The following BEND6 variants were observed in gnomAD, a reference collection of about 807,000 sequenced individuals.
The protein encoded by BEND6 is BEN domain-containing protein 6.
Under a neutral mutation model 31.8 loss-of-function variants are expected in BEND6, and 24 were observed. That is an observed-to-expected ratio of 0.75 (90% CI 0.55 to 1.06). The LOEUF is 1.06. BEND6 is among the 50% of genes least tolerant of loss of function. The pLI is 0.00. For missense variants in BEND6, 294 were observed against 327.4 expected, an observed-to-expected ratio of 0.90 and a Z score of 0.79; for synonymous variants, 109 against 114.6, an observed-to-expected ratio of 0.95 and a Z score of 0.31.
intron 1 of BEND6, among the ~76,000 whole-genome samples, chr6:56,981,228 A>G (rs571455678): frequency 8.1e-4 from 123 of 152,294 alleles, no homozygotes; most frequent in Non-Finnish European, 1.5e-3. Context: ...GCACCAAGGA[A>G]AATCTTGCAT....
At chr6:56,998,916 A>C (rs1826826008) in intron 3 of BEND6, among the ~76,000 whole-genome samples, 1 of 152,190 alleles carries the variant, frequency 6.6e-6, no homozygotes, top group Admixed American at 6.5e-5. Flanking sequence ...TATCCAGAAA[A>C]TATAGGGAAC....
intron 3 of BEND6, chr6:57,008,259 T>C (rs1827229663): frequency 1.4e-6 from 1 of 702,642 alleles, no homozygotes; most frequent in South Asian, 1.5e-5. Flanking sequence ...TCATCTCAGA[T>C]ACGGGTCCTG....
intron 6 of BEND6, among the ~76,000 whole-genome samples, chr6:57,019,035 G>C (rs1430948427): frequency 1.3e-5 from 2 of 152,180 alleles, no homozygotes; most frequent in Non-Finnish European, 2.9e-5. Context: ...ACAGTGGTCT[G>C]ACAGTTGTGC....
At chr6:56,962,682 A>C (rs1825332585) in intron 1 of BEND6, among the ~76,000 whole-genome samples, 1 of 152,210 alleles carries the variant, frequency 6.6e-6, no homozygotes, top group African/African-American at 2.4e-5. Context: ...AAGATATTGC[A>C]GGATTGTAGT....
At chr6:56,975,633 T>C (rs1825845139) in intron 1 of BEND6, 5 of 380,294 alleles carry the variant, frequency 1.3e-5, no homozygotes, top group South Asian at 1.3e-4. Flanking sequence ...AGCAGTTTCA[T>C]TCTCATGAAA....
chr6:57,012,739 A>G (rs891086098), intron 3 of BEND6, among the ~76,000 whole-genome samples: 1 of 152,250 alleles, frequency 6.6e-6, no homozygotes, highest in African/African-American at 2.4e-5. Context: ...TAATAAAAAT[A>G]GAGATACACA....
intron 1 of BEND6, among the ~76,000 whole-genome samples, chr6:56,960,282 AT>A (rs142901882): frequency 0.086 from 13,032 of 152,168 alleles, 736 homozygotes; most frequent in East Asian, 0.18. Flanking sequence ...TATTATTCCG[AT>A]GGTATAAAAT....
intron 1 of BEND6, among the ~76,000 whole-genome samples, chr6:56,973,019 A>C (rs1825743633): frequency 3.3e-5 from 5 of 152,206 alleles, no homozygotes; most frequent in Admixed American, 3.3e-4. Context: ...AATAAAGAAC[A>C]ATCAGAAGTT....
Position 56,999,230 on chromosome 6 carries a change from C to T in BEND6, c.298+6675C>T, listed in dbSNP as rs140770439. On this transcript the variant is annotated intron_variant, in intron 3 of 6. Transcript: ENST00000370746. ...TGTGGATCAGGAGCTTGATTCACCCCACCCTTTCTGTACAGAGATTCATGG... is the reference window on the plus strand; with the variant it reads ...TGTGGATCAGGAGCTTGATTCACCCTACCCTTTCTGTACAGAGATTCATGG... Among the ~76,000 whole-genome samples the T allele has an allele frequency of 3.5e-3, 530 of 152,224 alleles. 5 individuals are homozygous for T. Among genetic ancestry groups the T allele is most frequent in the African/African-American group, 0.012 (490 of 41,534 alleles).
intron 3 of BEND6, among the ~76,000 whole-genome samples, chr6:57,011,687 C>T (rs1293808534): frequency 1.6e-5 from 2 of 128,222 alleles, no homozygotes; most frequent in African/African-American, 3.1e-5. Flanking sequence ...CACTCTACTC[C>T]AGCCTGGGTA....
chr6:57,011,013 A>C (rs1192132592), intron 3 of BEND6: 5 of 265,004 alleles, frequency 1.9e-5, no homozygotes, highest in East Asian at 1.8e-4. Flanking sequence ...TCTTGTAACC[A>C]CTTTACAAAA....
chr6:56,994,923 A>G (rs1435405098), intron 3 of BEND6, among the ~76,000 whole-genome samples: 4 of 152,062 alleles, frequency 2.6e-5, no homozygotes, highest in South Asian at 4.2e-4. Context: ...CTTTCTGCCA[A>G]TTCCAAGTCT....
chr6:57,009,324 A>G (rs1416099521), intron 3 of BEND6: 2 of 152,212 alleles, frequency 1.3e-5, no homozygotes, highest in Non-Finnish European at 2.9e-5. Flanking sequence ...TTGCAGTAAT[A>G]GATATGCTAA....
chr6:56,987,551 T>C (rs1247004735), intron 2 of BEND6, among the ~76,000 whole-genome samples: 1 of 152,144 alleles, frequency 6.6e-6, no homozygotes, highest in African/African-American at 2.4e-5. Context: ...TTTATCTGTA[T>C]GTCTCTATCA....
chr6:56,968,307 C>CTTTT (rs1562535945), intron 1 of BEND6, among the ~76,000 whole-genome samples: 1 of 106,490 alleles, frequency 9.4e-6, no homozygotes, highest in African/African-American at 3.5e-5. Flanking sequence ...TTCTTTCTTT[C>CTTTT]TTTTCTTTTT....
At chr6:57,004,796 G>A in intron 3 of BEND6, 1 of 881,918 alleles carries the variant, frequency 1.1e-6, no homozygotes, top group Non-Finnish European at 1.9e-6. Flanking sequence ...AAAGAATTGG[G>A]TGACCAATTA....
chr6:56,969,655 A>G lies in BEND6; in HGVS notation c.-100-12056A>G, dbSNP rs545923195. On this transcript the variant is annotated intron_variant, in intron 1 of 6. Transcript: ENST00000370746. ...TAATAGAATTCATAATAGAGAACTT[A>G]TATTTAAATACAAAGGCAGATGAGA... Among the ~76,000 whole-genome samples the G allele has an allele frequency of 2.0e-5, 3 of 152,090 alleles. No individual in the cohort carries two copies. In the South Asian group the frequency reaches 6.2e-4, roughly 32 times the overall value.
intron 3 of BEND6, among the ~76,000 whole-genome samples, chr6:57,003,140 C>G (rs936663128): frequency 6.6e-6 from 1 of 152,088 alleles, no homozygotes; most frequent in Non-Finnish European, 1.5e-5. Flanking sequence ...ACACACTCTC[C>G]TAAGGTTGAA....
At chr6:56,966,688 T>A (rs1445116277) in intron 1 of BEND6, among the ~76,000 whole-genome samples, 2 of 152,192 alleles carry the variant, frequency 1.3e-5, no homozygotes, top group Non-Finnish European at 2.9e-5. Context: ...TGTGCTATAG[T>A]CTTCTTCGTG....
Sources: allele counts gnomAD v4.1 joint callset (sites outside exome capture counted in the v4.1 genomes callset), GRCh38; gene constraint gnomAD v4.1.1; transcripts MANE v1.5; gene names NCBI Gene and HGNC (gene_info 2026-07-23, HGNC 2026-07-21).